The following MED12L variants were observed in gnomAD, a reference collection of about 807,000 sequenced individuals.
MED12L encodes mediator complex subunit 12L.
Under a neutral mutation model 281.3 loss-of-function variants are expected in MED12L, and 60 were observed. The ratio of observed to expected loss-of-function variants is 0.21; its 90% CI spans 0.17 to 0.26. The LOEUF (loss-of-function observed/expected upper bound fraction) is 0.26. MED12L is among the 10% of genes least tolerant of loss of function. The pLI is 1.00. For missense variants in MED12L, 2,146 were observed against 2,680.9 expected, an observed-to-expected ratio of 0.80 and a Z score of 4.41; for synonymous variants, 974 against 987.2, an observed-to-expected ratio of 0.99 and a Z score of 0.25.
chr3:151,122,766 T>C lies in MED12L; in HGVS notation c.205-17T>C. The stretch of plus-strand genomic sequence containing the variant: ...CTTATTGTCTTAACTTTCCCTTTTT[T>C]TCTCTTCTTTCCACAGATTGGAGCT... On this transcript the variant is annotated splice_polypyrimidine_tract_variant and intron_variant, in intron 3 of 44. Transcript: ENST00000687756. 6.4e-7 allele frequency: 1 copy of C among 1,558,700 alleles called. No homozygotes were observed. The highest frequency in any genetic ancestry group is 8.7e-7 in the Non-Finnish European group (1 of 1,152,840).
chr3:151,135,648 G>T (rs535793975), intron 5 of MED12L, among the ~76,000 whole-genome samples: 12 of 152,228 alleles, frequency 7.9e-5, no homozygotes, highest in Non-Finnish European at 1.5e-4. Context: ...TCGCTGTGAG[G>T]TGATAGCTGC....
At chr3:151,218,509 C>T (rs1168475362) in intron 16 of MED12L, among the ~76,000 whole-genome samples, 2 of 152,120 alleles carry the variant, frequency 1.3e-5, no homozygotes, top group Non-Finnish European at 2.9e-5. Flanking sequence ...GGAATATAAA[C>T]AATGCTTCCT....
intron 16 of MED12L, among the ~76,000 whole-genome samples, chr3:151,295,850 A>T (rs966356171): frequency 2.0e-5 from 3 of 152,166 alleles, no homozygotes; most frequent in African/African-American, 7.2e-5. Context: ...GTGAACAGAC[A>T]AAAAAAGTCC....
chr3:151,215,293 A>T (rs1198041285), intron 16 of MED12L, among the ~76,000 whole-genome samples: 1 of 152,224 alleles, frequency 6.6e-6, no homozygotes, highest in African/African-American at 2.4e-5. Flanking sequence ...CACTTGAAAT[A>T]TGGCCAGTCC....
At chr3:151,299,356 C>CTTTCTTTTCTTTTCTTTTCTCTTCT in intron 16 of MED12L, among the ~76,000 whole-genome samples, 1 of 94,352 alleles carries the variant, frequency 1.1e-5, no homozygotes, top group South Asian at 4.5e-4. Flanking sequence ...TTCCTTCCTT[C>CTTTCTTTTCTTTTCTTTTCTCTTCT]TTTCTTTTCT....
intron 16 of MED12L, among the ~76,000 whole-genome samples, chr3:151,223,896 G>A (rs537651003): frequency 3.4e-4 from 51 of 152,188 alleles, no homozygotes; most frequent in Non-Finnish European, 6.5e-4. Flanking sequence ...AGCAAGTCCA[G>A]CCTCCTTACA....
chr3:151,368,345 C>G lies in MED12L; in HGVS notation c.3550+94C>G. Reference sequence around the variant, plus strand: ...GGCTGTCCCTTTCTGTAATTGCCTTCTTAATTTTTTGGGCATGCCCTGGGG... The same window carrying G: ...GGCTGTCCCTTTCTGTAATTGCCTTGTTAATTTTTTGGGCATGCCCTGGGG... On this transcript the variant is annotated intron_variant, in intron 25 of 44. Coordinates refer to ENST00000687756, the MANE Select transcript of MED12L (RefSeq NM_001393769.1). 4 of 1,135,358 alleles carry G rather than the reference C, an allele frequency of 3.5e-6. No individual in the cohort carries two copies. In the South Asian group the frequency reaches 5.2e-5, roughly 15 times the overall value. The allele number at this position is 1,135,358 out of a possible 1,614,324, so 70.3% of individuals were successfully genotyped here.
At chr3:151,154,740 T>A (rs1719041049) in intron 5 of MED12L, among the ~76,000 whole-genome samples, 1 of 152,186 alleles carries the variant, frequency 6.6e-6, no homozygotes, top group East Asian at 1.9e-4. Context: ...ATCTGATGGT[T>A]GGTATTTCGT....
Position 151,434,012 on chromosome 3 carries a change from G to A in MED12L, c.*1208G>A, listed in dbSNP as rs1040930583. ...AGAAACCAGTAAATTATCAGTTTGT[G>A]TAACTTAAGAGTATTCTATATAATA... On this transcript the variant is annotated 3_prime_UTR_variant, in exon 45 of 45. Transcript: ENST00000687756. 6.6e-6 allele frequency: 1 copy of A among 152,594 alleles called. No individual in the cohort carries two copies. Among genetic ancestry groups the A allele is most frequent in the Non-Finnish European group, 1.5e-5 (1 of 68,026 alleles). The allele number at this position is 152,594 out of a possible 1,614,324, so 9.5% of individuals were successfully genotyped here.
intron 16 of MED12L, among the ~76,000 whole-genome samples, chr3:151,231,032 G>C (rs557109474): frequency 6.6e-6 from 1 of 152,318 alleles, no homozygotes; most frequent in African/African-American, 2.4e-5. Flanking sequence ...AAGCCGACTT[G>C]AGGGCACTCC....
chr3:151,104,366 G>A (rs1721751370), intron 2 of MED12L, among the ~76,000 whole-genome samples: 1 of 152,116 alleles, frequency 6.6e-6, no homozygotes, highest in South Asian at 2.1e-4. Context: ...GCTGCAATGG[G>A]GAATTCTTCC....
At chr3:151,194,989 C>T (rs191783796) in intron 16 of MED12L, among the ~76,000 whole-genome samples, 48 of 152,162 alleles carry the variant, frequency 3.2e-4, no homozygotes, top group African/African-American at 1.1e-3. Context: ...ATGGTGAAAC[C>T]CCGTATCTAC....
At chr3:151,378,253 C>A in intron 31 of MED12L, 80 bp downstream of exon 31, 1 of 1,327,602 alleles carries the variant, frequency 7.5e-7, no homozygotes, top group South Asian at 1.8e-5. Flanking sequence ...CCTGTGTGGT[C>A]ACTGTACCCA....
chr3:151,409,346 C>G lies in MED12L; in HGVS notation c.5910+14C>G. 6.2e-7 allele frequency: 1 copy of G among 1,612,134 alleles called. No homozygotes were observed. Among genetic ancestry groups the G allele is most frequent in the Non-Finnish European group, 8.5e-7 (1 of 1,178,332 alleles). ...CAGCAAGCACAGGTACCCACATTTG[C>G]TTTGTAGGTACTGACAGGATTTTCA... On this transcript the variant is annotated intron_variant, in intron 40 of 44. Coordinates refer to ENST00000687756, the MANE Select transcript of MED12L (RefSeq NM_001393769.1).
chr3:151,167,779 AGT>A (rs1313786021), intron 11 of MED12L, among the ~76,000 whole-genome samples: 1 of 152,234 alleles, frequency 6.6e-6, no homozygotes. Context: ...GAAACCTTAA[AGT>A]GTGTTTTTAG....
chr3:151,341,090 G>A (rs1751762167), intron 16 of MED12L, among the ~76,000 whole-genome samples: 1 of 152,104 alleles, frequency 6.6e-6, no homozygotes, highest in African/African-American at 2.4e-5. Flanking sequence ...TTGCTTTCTT[G>A]GGTGGTTAAT....
intron 16 of MED12L, among the ~76,000 whole-genome samples, chr3:151,194,403 T>C (rs1009685196): frequency 1.3e-5 from 2 of 152,098 alleles, no homozygotes; most frequent in East Asian, 3.9e-4. Context: ...TTTTGAGGCA[T>C]AGGAAAGACA....
chr3:151,123,059 C>A, intron 4 of MED12L, 85 bp downstream of exon 4: 2 of 1,214,840 alleles, frequency 1.6e-6, no homozygotes, highest in South Asian at 1.7e-5. Flanking sequence ...TTGTTTTTCC[C>A]AATTCTTTTT....
At chr3:151,110,786 A>G (rs1393624136) in intron 2 of MED12L, among the ~76,000 whole-genome samples, 1 of 152,018 alleles carries the variant, frequency 6.6e-6, no homozygotes, top group Non-Finnish European at 1.5e-5. Flanking sequence ...GTAGCTTTGC[A>G]TTTGTGCCCT....
Sources: gnomAD v4.1 joint callset for allele counts (sites outside exome capture counted in the v4.1 genomes callset) on GRCh38, gnomAD v4.1.1 for gene constraint, MANE v1.5 for transcripts, NCBI Gene and HGNC (gene_info 2026-07-23, HGNC 2026-07-21) for gene names.